CDC42SE2: variants seen among roughly 807,000 people sequenced by gnomAD.
CDC42SE2 encodes CDC42 small effector protein 2.
In CDC42SE2, 3 loss-of-function variants were observed where a neutral mutation model predicts 11.5. The ratio of observed to expected loss-of-function variants is 0.26; its 90% CI spans 0.12 to 0.67. The LOEUF (loss-of-function observed/expected upper bound fraction) is 0.67. Ranked by LOEUF, CDC42SE2 falls within the 30% of genes least tolerant of loss-of-function variation. The pLI, the probability that CDC42SE2 is intolerant of heterozygous loss-of-function variation, is 0.80. For synonymous variants in CDC42SE2, 33 were observed against 34.8 expected (o/e 0.95, Z 0.18); for missense variants, 82 against 106.8 (o/e 0.77, Z 1.02).
chr5:131,386,233 G>A (rs1045259689), intron 4 of CDC42SE2, among the ~76,000 whole-genome samples: 2 of 152,164 alleles, frequency 1.3e-5, no homozygotes, highest in African/African-American at 4.8e-5. Context: ...TTCGCAATAG[G>A]GTTTGTGCTC....
intron 1 of CDC42SE2, among the ~76,000 whole-genome samples, chr5:131,279,974 G>A (rs1184549546): frequency 1.3e-5 from 2 of 152,158 alleles, no homozygotes; most frequent in African/African-American, 4.8e-5. Context: ...GGGCTGAGGT[G>A]GGAGGTTGCT....
intron 2 of CDC42SE2, among the ~76,000 whole-genome samples, chr5:131,256,178 A>T (rs1323268010): frequency 6.6e-6 from 1 of 152,220 alleles, no homozygotes; most frequent in African/African-American, 2.4e-5. Context: ...TTTTTGCCCA[A>T]GTGGAAATAA....
At chr5:131,386,874 AG>A (rs113458060) in intron 4 of CDC42SE2, among the ~76,000 whole-genome samples, 17,097 of 152,276 alleles carry the variant, frequency 0.11, 2,173 homozygotes, top group African/African-American at 0.31. Context: ...AAGACTTAAC[AG>A]GGACTTTAAA....
At chr5:131,304,401 A>G (rs995277405) in intron 1 of CDC42SE2, among the ~76,000 whole-genome samples, 13 of 152,200 alleles carry the variant, frequency 8.5e-5, no homozygotes, top group African/African-American at 3.1e-4. Context: ...TACAAAAAGC[A>G]CCAAGGCATA....
At chr5:131,377,582 A>C (rs1217836601) in intron 3 of CDC42SE2, among the ~76,000 whole-genome samples, 4 of 152,172 alleles carry the variant, frequency 2.6e-5, no homozygotes, top group African/African-American at 7.2e-5. Context: ...TTGAAGCTCC[A>C]CTCCAAACTT....
At chr5:131,365,412 G>A (rs1026486524) in intron 3 of CDC42SE2, among the ~76,000 whole-genome samples, 2 of 152,152 alleles carry the variant, frequency 1.3e-5, no homozygotes, top group African/African-American at 4.8e-5. Context: ...GGGGATTTAT[G>A]TAAAACAGAA....
At chr5:131,212,141 T>G in the CDC42SE2 span, among the ~76,000 whole-genome samples, 1 of 152,078 alleles carries the variant, frequency 6.6e-6, no homozygotes. Flanking sequence ...GGAGTGTCAC[T>G]CTGTCACCCA....
chr5:131,266,986 A>C (rs1289064112), intron 1 of CDC42SE2, among the ~76,000 whole-genome samples: 13 of 139,250 alleles, frequency 9.3e-5, no homozygotes, highest in Non-Finnish European at 6.1e-5. Flanking sequence ...TCGGATAAGC[A>C]CATCATCAGA....
intron 2 of CDC42SE2, among the ~76,000 whole-genome samples, chr5:131,330,328 T>C (rs1330281323): frequency 6.6e-6 from 1 of 152,172 alleles, no homozygotes; most frequent in Non-Finnish European, 1.5e-5. Context: ...GAATTTAATG[T>C]AGAGGAATTT....
intron 1 of CDC42SE2, among the ~76,000 whole-genome samples, chr5:131,297,705 G>T (rs540427605): frequency 5.3e-5 from 8 of 151,724 alleles, no homozygotes; most frequent in Non-Finnish European, 1.0e-4. Flanking sequence ...GGGTGACAGA[G>T]CAAGACTCCA....
intron 1 of CDC42SE2, among the ~76,000 whole-genome samples, chr5:131,277,403 C>G (rs1001881041): frequency 2.0e-5 from 3 of 152,206 alleles, no homozygotes; most frequent in Admixed American, 6.5e-5. Context: ...TGACCCCAGT[C>G]TCATAAGGGG....
intron 1 of CDC42SE2, among the ~76,000 whole-genome samples, chr5:131,249,533 G>T (rs1191471919): frequency 6.6e-6 from 1 of 152,126 alleles, no homozygotes; most frequent in Non-Finnish European, 1.5e-5. Flanking sequence ...AGGAGGATCT[G>T]TTTAATAAAT....
chr5:131,380,079 A>G (rs1283539977), intron 3 of CDC42SE2, among the ~76,000 whole-genome samples: 1 of 151,676 alleles, frequency 6.6e-6, no homozygotes, highest in Admixed American at 6.6e-5. Context: ...GGTGCCTGCC[A>G]CCATGCCCAG....
At chr5:131,335,025 C>A (rs1317571637) in intron 2 of CDC42SE2, among the ~76,000 whole-genome samples, 1 of 152,032 alleles carries the variant, frequency 6.6e-6, no homozygotes, top group African/African-American at 2.4e-5. Context: ...AATGTGTTTG[C>A]TCTTGCTTCT....
intron 2 of CDC42SE2, among the ~76,000 whole-genome samples, chr5:131,328,440 G>A (rs1055777934): frequency 1.3e-5 from 2 of 151,910 alleles, no homozygotes; most frequent in African/African-American, 4.8e-5. Context: ...TTAATTCTGG[G>A]AAGTTATTAT....
chr5:131,281,814 C>T (rs535418553), intron 1 of CDC42SE2, among the ~76,000 whole-genome samples: 1 of 152,194 alleles, frequency 6.6e-6, no homozygotes, highest in East Asian at 1.9e-4. Flanking sequence ...ATATTTGCTG[C>T]GTGGCAAGTT....
intron 2 of CDC42SE2, among the ~76,000 whole-genome samples, chr5:131,343,127 T>C (rs189440671): frequency 7.5e-4 from 114 of 152,104 alleles, no homozygotes; most frequent in South Asian, 6.2e-3. Flanking sequence ...CATTGCTTGA[T>C]AAACAGTGTA....
At chr5:131,260,614 G>C (rs972772696), upstream of CDC42SE2, among the ~76,000 whole-genome samples, 3 of 125,918 alleles carry the variant, frequency 2.4e-5, no homozygotes, top group African/African-American at 1.0e-4. Flanking sequence ...GACAGAGCGA[G>C]ACGCTCTCTC....
In CDC42SE2 at chr5:131,317,108, AT is replaced by A. The variant is rs201522948; in HGVS notation, c.-286+975del. Among the ~76,000 whole-genome samples, 786 of 149,194 alleles carry A rather than the reference AT, an allele frequency of 5.3e-3. 8 individuals carry two copies. Among genetic ancestry groups the A allele is most frequent in the African/African-American group, 0.018 (725 of 40,898 alleles). On this transcript the variant is annotated intron_variant, in intron 2 of 4. Coordinates refer to ENST00000505065, the MANE Select transcript of CDC42SE2 (RefSeq NM_001375635.1). Reference sequence around the variant, plus strand: ...TCCGTAGAATCTAATAATTACAGAGATTTTTTTTTTTAAATTCACATCCTTT... The same window carrying A: ...TCCGTAGAATCTAATAATTACAGAGATTTTTTTTTTAAATTCACATCCTTT...
Sources: allele counts gnomAD v4.1 joint callset (sites outside exome capture counted in the v4.1 genomes callset), GRCh38; gene constraint gnomAD v4.1.1; transcripts MANE v1.5; gene names NCBI Gene and HGNC (gene_info 2026-07-23, HGNC 2026-07-21).